CAMSAP3: variants seen among roughly 807,000 people sequenced by gnomAD.
CAMSAP3 encodes the protein calmodulin-regulated spectrin-associated protein 3.
CAMSAP3 carries 34 observed loss-of-function variants against 112.5 expected under a neutral mutation model. That is an observed-to-expected ratio of 0.30 (90% CI 0.23 to 0.40). The LOEUF (loss-of-function observed/expected upper bound fraction) is 0.40. Ranked by LOEUF, CAMSAP3 falls within the 10% of genes least tolerant of loss-of-function variation. The pLI is 1.00. For synonymous variants in CAMSAP3, 868 were observed against 799.8 expected (o/e 1.09, Z -1.44); for missense variants, 1,602 against 1,770.3 (o/e 0.90, Z 1.71).
intron 5 of CAMSAP3, among the ~76,000 whole-genome samples, chr19:7,609,915 C>T (rs764077849): frequency 2.6e-5 from 4 of 152,086 alleles, no homozygotes; most frequent in African/African-American, 2.4e-5. Flanking sequence ...CTGCAAGTGA[C>T]GGGGAGCGGC....
chr19:7,612,749 C>G lies in CAMSAP3; in HGVS notation c.2256C>G (p.Pro752=). 6.5e-7 allele frequency: 1 copy of G among 1,532,460 alleles called. No homozygotes were observed. The highest frequency in any genetic ancestry group is 8.7e-7 in the Non-Finnish European group (1 of 1,144,828). 94.9% of individuals were successfully genotyped at this position (1,532,460 alleles called of 1,614,324 possible). A position where few individuals can be genotyped will look rare whatever the true frequency, so the allele number is the denominator to read the frequency against. ...TCATCCCTGGCCCCACGACGGGGCC[C>G]AAAGCTGCATCCCCCAGCCCCGCCC... ...AWVIPGPTTG[P]KAASPSPARR... The change falls in exon 11 of 17, where the codon CCC becomes CCG. Residue 752 remains proline, a synonymous_variant. Transcript: ENST00000160298.
chr19:7,614,947 T>C (rs1327474861), intron 11 of CAMSAP3: 2 of 591,688 alleles, frequency 3.4e-6, no homozygotes, highest in Non-Finnish European at 6.0e-6. Context: ...GCTGCTTTTG[T>C]CTTCCCCGTT....
rs1174312916 is a variant in CAMSAP3, at chr19:7,615,558, G to A, written c.2951G>A (p.Arg984His). 4.0e-6 allele frequency: 6 copies of A among 1,518,644 alleles called. No homozygotes were observed. The highest frequency in any genetic ancestry group is 1.4e-5 in the African/African-American group (1 of 71,500). The allele number at this position is 1,518,644 out of a possible 1,614,324, so 94.1% of individuals were successfully genotyped here. A position where few individuals can be genotyped will look rare whatever the true frequency, so the allele number is the denominator to read the frequency against. ...KGDFTRQEYERRAQLKLMDDL... is the reference protein window; with the variant it reads ...KGDFTRQEYEHRAQLKLMDDL... ...GACTTCACGCGGCAGGAGTACGAGCGCCGGGCCCAGCTGAAGCTGATGGAC... is the reference window on the plus strand; with the variant it reads ...GACTTCACGCGGCAGGAGTACGAGCACCGGGCCCAGCTGAAGCTGATGGAC... Residue 984 changes from arginine to histidine, a missense_variant, in exon 13 of 17, where the codon CGC becomes CAC. Physicochemically the swap from Arg to His is conservative, Grantham distance 29 (BLOSUM62 0). Transcript: ENST00000160298. The surrounding 1 kb of genome is among the most constrained non-coding windows in gnomAD (Gnocchi z 6.5).
chr19:7,606,534 C>A lies in CAMSAP3; in HGVS notation c.584C>A (p.Ala195Glu), dbSNP rs745535647. ...GAAGCGGCCCAGCGAGCCTCTCCAG[C>A]AGCCCCTGCAGACGGGGCGGCCCCG... is the stretch of plus-strand genomic sequence containing the variant. ...EQEAAQRASP[A>E]APADGAAPAQ... Residue 195 changes from alanine (A) to glutamate (E), a missense_variant, in exon 4 of 17, where the codon GCA becomes GAA. Ala to Glu is a moderately radical substitution (Grantham distance 107). Around this residue, in one of 6 missense-constraint regions of CAMSAP3, gnomAD observed 112 missense variants for 94.2 expected, o/e 1.19. Transcript: ENST00000160298. The A allele has an allele frequency of 6.4e-7, 1 of 1,554,630 alleles. No individual in the cohort carries two copies. Among genetic ancestry groups the A allele is most frequent in the Admixed American group, 1.9e-5 (1 of 52,866 alleles).
intron 14 of CAMSAP3, among the ~76,000 whole-genome samples, chr19:7,616,952 T>TTG (rs1555763706): frequency 6.7e-5 from 9 of 133,350 alleles, no homozygotes; most frequent in South Asian, 2.5e-4. Flanking sequence ...TTTTTTTTTT[T>TTG]TTTTTTGTTT....
Position 7,607,902 on chromosome 19 carries a change from C to G in CAMSAP3, c.622-224C>G. 1 of 875,166 alleles carries G rather than the reference C, an allele frequency of 1.1e-6. No homozygotes were observed. Among genetic ancestry groups the G allele is most frequent in the Non-Finnish European group, 1.9e-6 (1 of 534,962 alleles). The allele number at this position is 875,166 out of a possible 1,614,324, so 54.2% of individuals were successfully genotyped here. On this transcript the variant is annotated intron_variant, in intron 4 of 16. Coordinates refer to ENST00000160298, the MANE Select transcript of CAMSAP3 (RefSeq NM_020902.2). The surrounding 1 kb of genome is among the most constrained non-coding windows in gnomAD (Gnocchi z 4.9). ...TCCCCCGCCCCGGGGTCCCAGGAGT[C>G]CCTGTCCCCAGCCCCCGCTGCTGGC... is the stretch of plus-strand genomic sequence containing the variant.
Position 7,615,737 on chromosome 19 carries a change from A to C in CAMSAP3, c.3112+18A>C. On this transcript the variant is annotated intron_variant, in intron 13 of 16. Coordinates refer to ENST00000160298, the MANE Select transcript of CAMSAP3 (RefSeq NM_020902.2). This position sits in a 1 kb window ranked among gnomAD's most constrained non-coding sequence, Gnocchi z 6.5. ...CCTGCTGGGTGAGGACCCTTGGGGG[A>C]CGGGGCCTGCCCAGTGCCCTTTCCG... 7.4e-7 allele frequency: 1 copy of C among 1,356,326 alleles called. No individual in the cohort carries two copies. The highest frequency in any genetic ancestry group is 9.4e-7 in the Non-Finnish European group (1 of 1,058,572). 84.0% of individuals were successfully genotyped at this position (1,356,326 alleles called of 1,614,324 possible).
chr19:7,599,271 AC>A (rs2029863034), intron 1 of CAMSAP3, among the ~76,000 whole-genome samples: 1 of 116,302 alleles, frequency 8.6e-6, no homozygotes, highest in Admixed American at 8.9e-5. Flanking sequence ...CCACCTACCC[AC>A]TGCACTCATC....
chr19:7,615,682 C>T lies in CAMSAP3; in HGVS notation c.3075C>T (p.Asp1025=). The T allele has an allele frequency of 7.0e-7, 1 of 1,423,824 alleles. No individual in the cohort carries two copies. 88.2% of individuals were successfully genotyped at this position (1,423,824 alleles called of 1,614,324 possible). The part of the protein sequence containing the change: ...ATRPRSGCCD[D]SALARSPARG... ...GGCCTCGCTCGGGTTGCTGTGACGA[C>T]TCAGCCCTGGCACGAAGCCCAGCCC... Residue 1025 remains aspartate (D), a synonymous_variant, in exon 13 of 17, where the codon GAC becomes GAT. Transcript: ENST00000160298. The surrounding 1 kb of genome is among the most constrained non-coding windows in gnomAD (Gnocchi z 6.5).
chr19:7,596,660 C>T (rs758691490), intron 1 of CAMSAP3, among the ~76,000 whole-genome samples: 17 of 152,238 alleles, frequency 1.1e-4, no homozygotes, highest in Non-Finnish European at 2.1e-4. Flanking sequence ...ACCCCCAGGC[C>T]CCAACACACA....
Position 7,611,472 on chromosome 19 carries a change from A to G in CAMSAP3, c.1124-45A>G. 4 of 1,542,636 alleles carry G rather than the reference A, an allele frequency of 2.6e-6. No individual in the cohort carries two copies. In the East Asian group the frequency reaches 9.2e-5, roughly 36 times the overall value. Reference sequence around the variant, plus strand: ...CCCCAGATGCTGGCTGACCCCACTCAGGGTTCCCAGGGTCCCCATAGTGAC... The same window carrying G: ...CCCCAGATGCTGGCTGACCCCACTCGGGGTTCCCAGGGTCCCCATAGTGAC... On this transcript the variant is annotated intron_variant, in intron 9 of 16. Coordinates refer to ENST00000160298, the MANE Select transcript of CAMSAP3 (RefSeq NM_020902.2). This position sits in a 1 kb window ranked among gnomAD's most constrained non-coding sequence, Gnocchi z 6.9.
chr19:7,603,297 C>T (rs1294065192), intron 1 of CAMSAP3, among the ~76,000 whole-genome samples: 1 of 151,836 alleles, frequency 6.6e-6, no homozygotes, highest in African/African-American at 2.4e-5. Context: ...TGGCTGCAAC[C>T]TCTGCCTCCC....
At position 7,615,315 on chromosome 19, in the gene CAMSAP3, G is replaced by A; in HGVS notation, c.2803G>A (p.Ala935Thr). 2.6e-6 allele frequency: 4 copies of A among 1,545,368 alleles called. No individual in the cohort carries two copies. The highest frequency in any genetic ancestry group is 3.5e-6 in the Non-Finnish European group (4 of 1,143,708). Residue 935 changes from alanine to threonine, a missense_variant, in exon 12 of 17, where the codon GCC becomes ACC. Ala to Thr is a moderately conservative substitution (Grantham distance 58). Coordinates refer to ENST00000160298, the MANE Select transcript of CAMSAP3 (RefSeq NM_020902.2). The surrounding 1 kb of genome is among the most constrained non-coding windows in gnomAD (Gnocchi z 6.5). ...GGAGAAGGAACAGCGGAGGGAGGAG[G>A]CCGCGAGGTGAGGCCGGGCCTGCCC... Reference protein sequence around the residue: ...EVEKEQRREEAARLAQEEAPG... With the variant: ...EVEKEQRREETARLAQEEAPG...
rs57521028 is a variant in CAMSAP3, at chr19:7,610,597, C to T, written c.882C>T (p.Tyr294=). 6.1e-3 allele frequency: 9,777 copies of T among 1,613,128 alleles called. 500 individuals carry two copies. The African/African-American group carries it at 0.12, about 19-fold the overall frequency. ...CCCTGTCCCTTGAGGACTTGCTGTA[C>T]GTCCCACCGCCACTCAAGGTAAGGC... The part of the protein sequence containing the change: ...GCPLSLEDLL[Y]VPPPLKVNLV... Residue 294 remains tyrosine (Y), a synonymous_variant, in exon 6 of 17, where the codon TAC becomes TAT. Transcript: ENST00000160298. This position sits in a 1 kb window ranked among gnomAD's most constrained non-coding sequence, Gnocchi z 4.9.
At chr19:7,614,282 A>AAAAAAAAAAAAAAAAAAAAAG (rs1568447672) in intron 11 of CAMSAP3, among the ~76,000 whole-genome samples, 1 of 147,132 alleles carries the variant, frequency 6.8e-6, no homozygotes, top group African/African-American at 2.5e-5. Flanking sequence ...AAAAAAAAAA[A>AAAAAAAAAAAAAAAAAAAAAG]AGTGAGCACA....
chr19:7,617,058 C>T lies in CAMSAP3; in HGVS notation c.3213-268C>T, dbSNP rs1161074332. Among the ~76,000 whole-genome samples, 3 of 148,424 alleles carry T rather than the reference C, an allele frequency of 2.0e-5. No individual in the cohort carries two copies. Among genetic ancestry groups the T allele is most frequent in the Non-Finnish European group, 4.4e-5 (3 of 67,688 alleles). On this transcript the variant is annotated intron_variant, in intron 14 of 16. Coordinates refer to ENST00000160298, the MANE Select transcript of CAMSAP3 (RefSeq NM_020902.2). The surrounding 1 kb of genome is among the most constrained non-coding windows in gnomAD (Gnocchi z 7.5). ...CCGCCCCCTGGGTGCAAGTGATTCT[C>T]GTGCCTCAGCCTCCTGAGTAGCTGG... is the stretch of plus-strand genomic sequence containing the variant.
intron 1 of CAMSAP3, among the ~76,000 whole-genome samples, chr19:7,603,934 A>G (rs1218311312): frequency 6.6e-6 from 1 of 152,200 alleles, no homozygotes; most frequent in Non-Finnish European, 1.5e-5. Context: ...CAGGAGTTCA[A>G]GACCAGCCTG....
At chr19:7,604,286 G>A (rs2030098276) in intron 1 of CAMSAP3, among the ~76,000 whole-genome samples, 1 of 152,022 alleles carries the variant, frequency 6.6e-6, no homozygotes, top group Non-Finnish European at 1.5e-5. Context: ...CCAGCCCACT[G>A]TCCACCTGGG....
Position 7,611,467 on chromosome 19 carries a change from C to T in CAMSAP3, c.1124-50C>T, listed in dbSNP as rs374869806. The T allele has an allele frequency of 6.5e-7, 1 of 1,534,580 alleles. No individual in the cohort carries two copies. The highest frequency in any genetic ancestry group is 1.4e-5 in the African/African-American group (1 of 72,654). ...GTTGTCCCCAGATGCTGGCTGACCC[C>T]ACTCAGGGTTCCCAGGGTCCCCATA... On this transcript the variant is annotated intron_variant, in intron 9 of 16. Transcript: ENST00000160298. The surrounding 1 kb of genome is among the most constrained non-coding windows in gnomAD (Gnocchi z 6.9).
Sources: gnomAD v4.1 joint callset for allele counts (sites outside exome capture counted in the v4.1 genomes callset) on GRCh38, gnomAD v4.1.1 for gene constraint, gnomAD v4.1.1 regional missense constraint, Gnocchi (gnomAD v3.1) non-coding constraint, MANE v1.5 for transcripts, NCBI Gene and HGNC (gene_info 2026-07-23, HGNC 2026-07-21) for gene names.